The following FAM83F variants were observed in gnomAD, a reference collection of about 807,000 sequenced individuals.
FAM83F encodes protein FAM83F.
In FAM83F, 45 loss-of-function variants were observed where a neutral mutation model predicts 42.9. The ratio of observed to expected loss-of-function variants is 1.05; its 90% CI spans 0.83 to 1.35. The LOEUF (loss-of-function observed/expected upper bound fraction) is 1.35, where lower values mean the gene tolerates loss of function less well. Among genes scored for constraint, FAM83F ranks in the 40% most tolerant of loss-of-function variants. The probability of loss-of-function intolerance (pLI) is 0.00; values close to 1 mark genes in which losing one functional copy is unlikely to be tolerated. For synonymous variants in FAM83F, 306 were observed against 298.3 expected, an observed-to-expected ratio of 1.03 and a Z score of -0.27; for missense variants, 617 against 695.9, an observed-to-expected ratio of 0.89 and a Z score of 1.28.
chr22:40,028,092 G>A (rs1429012010), intron 4 of FAM83F, among the ~76,000 whole-genome samples: 3 of 152,380 alleles, frequency 2.0e-5, no homozygotes, highest in East Asian at 3.9e-4. Context: ...CGCCCCAGAC[G>A]TGCTCGGCAC....
In FAM83F at chr22:40,040,746, C is replaced by A. The variant is rs988689505; in HGVS notation, c.*11181C>A. On this transcript the variant is annotated 3_prime_UTR_variant, in exon 5 of 5. Transcript: ENST00000333407. ...TTTGGCAATGGCTACACCCACTGCC[C>A]AAGCAAGCAGTATCAGCTGTCAGCT... The A allele has an allele frequency of 6.6e-6, 1 of 152,218 alleles. No homozygotes were observed. The highest frequency in any genetic ancestry group is 2.4e-5 in the African/African-American group (1 of 41,454). 9.4% of individuals were successfully genotyped at this position (152,218 alleles called of 1,614,324 possible).
chr22:40,019,932 A>G lies in FAM83F; in HGVS notation c.703A>G (p.Met235Val). 1 of 1,613,608 alleles carries G rather than the reference A, an allele frequency of 6.2e-7. No homozygotes were observed. Among genetic ancestry groups the G allele is most frequent in the Non-Finnish European group, 8.5e-7 (1 of 1,179,742 alleles). The change falls in exon 3 of 5, where the codon ATG becomes GTG. Residue 235 changes from methionine to valine, a missense_variant. Physicochemically the swap from Met to Val is conservative, Grantham distance 21. Transcript: ENST00000333407. Reference protein sequence around the residue: ...SVTGVGFYMPMGRIKGTLSSR... With the variant: ...SVTGVGFYMPVGRIKGTLSSR... Reference sequence around the variant, plus strand: ...GACAGGCGTCGGCTTCTACATGCCCATGGGGAGGATCAAGGGGACCCTGTC... The same window carrying G: ...GACAGGCGTCGGCTTCTACATGCCCGTGGGGAGGATCAAGGGGACCCTGTC...
At chr22:39,997,669 T>C (rs974803408) in intron 1 of FAM83F, among the ~76,000 whole-genome samples, 43 of 152,174 alleles carry the variant, frequency 2.8e-4, no homozygotes, top group African/African-American at 1.0e-3. Flanking sequence ...ACTGTTTCAG[T>C]AAGAGAGCTT....
intron 1 of FAM83F, among the ~76,000 whole-genome samples, chr22:39,997,149 A>G (rs2067376517): frequency 6.6e-6 from 1 of 152,220 alleles, no homozygotes; most frequent in African/African-American, 2.4e-5. Context: ...CTGAGCCAGG[A>G]CCCAAACTCC....
rs566879970 is a variant in FAM83F, at chr22:40,014,870, G to C, written c.490-4298G>C. Among the ~76,000 whole-genome samples the C allele has an allele frequency of 4.7e-3, 713 of 152,306 alleles. 12 individuals are homozygous for C. The highest frequency in any genetic ancestry group is 0.016 in the African/African-American group (678 of 41,560). ...TGGCAGCTTTATAACCTTGGACATA[G>C]GACTTTGCCCCCTATGTGTTTACTT... On this transcript the variant is annotated intron_variant, in intron 1 of 4. Transcript: ENST00000333407.
At chr22:39,998,363 T>G (rs1031132124) in intron 1 of FAM83F, among the ~76,000 whole-genome samples, 4 of 152,188 alleles carry the variant, frequency 2.6e-5, no homozygotes, top group Non-Finnish European at 4.4e-5. Flanking sequence ...TGAGGTGTTA[T>G]CATTTTGATT....
rs1340152999 is a variant in FAM83F, at chr22:40,038,421, A to G, written c.*8856A>G. 6.6e-6 allele frequency: 1 copy of G among 152,260 alleles called. No individual in the cohort carries two copies. The highest frequency in any genetic ancestry group is 2.4e-5 in the African/African-American group (1 of 41,460). The allele number at this position is 152,260 out of a possible 1,614,324, so 9.4% of individuals were successfully genotyped here. A position where few individuals can be genotyped will look rare whatever the true frequency, so the allele number is the denominator to read the frequency against. ...GTGAAGACTCAGATAACTCAAATAT[A>G]GGTTTTGCCCGCAAAGCCTTCCTGT... On this transcript the variant is annotated 3_prime_UTR_variant, in exon 5 of 5. Coordinates refer to ENST00000333407, the MANE Select transcript of FAM83F (RefSeq NM_138435.4).
intron 4 of FAM83F, among the ~76,000 whole-genome samples, chr22:40,025,829 T>C (rs2067548907): frequency 6.6e-6 from 1 of 152,144 alleles, no homozygotes; most frequent in Non-Finnish European, 1.5e-5. Flanking sequence ...AGCTCCCCAG[T>C]GCAGAGGGTC....
At position 40,029,719 on chromosome 22, in the gene FAM83F, C is replaced by T. The variant is rs915382069; in HGVS notation, c.*154C>T. 2.7e-6 allele frequency: 3 copies of T among 1,132,042 alleles called. No individual in the cohort carries two copies. The highest frequency in any genetic ancestry group is 1.6e-5 in the African/African-American group (1 of 64,076). The allele number at this position is 1,132,042 out of a possible 1,614,324, so 70.1% of individuals were successfully genotyped here. A position where few individuals can be genotyped will look rare whatever the true frequency, so the allele number is the denominator to read the frequency against. On this transcript the variant is annotated 3_prime_UTR_variant, in exon 5 of 5. Transcript: ENST00000333407. ...CGTCCTGGCCTCAGGGACGCTGGATCCCAAATGAGAGGGTCCGAAGCATCT... is the reference window on the plus strand; with the variant it reads ...CGTCCTGGCCTCAGGGACGCTGGATTCCAAATGAGAGGGTCCGAAGCATCT...
chr22:40,003,982 G>T (rs903451346), intron 1 of FAM83F, among the ~76,000 whole-genome samples: 25 of 152,074 alleles, frequency 1.6e-4, no homozygotes, highest in African/African-American at 6.0e-4. Context: ...CCTTTCAGTG[G>T]GCCATTGAGG....
At position 40,032,778 on chromosome 22, in the gene FAM83F, C is replaced by G. The variant is rs1056960044; in HGVS notation, c.*3213C>G. On this transcript the variant is annotated 3_prime_UTR_variant, in exon 5 of 5. Transcript: ENST00000333407. ...TAGAGACAGGGTTTCACCATGTTAGCCAGGTTGGTCTTGATCTCCTGACCT... is the reference window on the plus strand; with the variant it reads ...TAGAGACAGGGTTTCACCATGTTAGGCAGGTTGGTCTTGATCTCCTGACCT... 1.3e-5 allele frequency: 2 copies of G among 151,944 alleles called. No homozygotes were observed. The highest frequency in any genetic ancestry group is 1.3e-4 in the Admixed American group (2 of 15,254). The allele number at this position is 151,944 out of a possible 1,614,324, so 9.4% of individuals were successfully genotyped here. A position where few individuals can be genotyped will look rare whatever the true frequency, so the allele number is the denominator to read the frequency against.
At position 40,038,763 on chromosome 22, in the gene FAM83F, ACT is replaced by A. The variant is rs568490073; in HGVS notation, c.*9203_*9204del. The A allele has an allele frequency of 2.6e-3, 405 of 155,470 alleles. 2 individuals are homozygous for A. Among genetic ancestry groups the A allele is most frequent in the African/African-American group, 8.9e-3 (371 of 41,806 alleles). 9.6% of individuals were successfully genotyped at this position (155,470 alleles called of 1,614,324 possible). A position where few individuals can be genotyped will look rare whatever the true frequency, so the allele number is the denominator to read the frequency against. On this transcript the variant is annotated 3_prime_UTR_variant, in exon 5 of 5. Transcript: ENST00000333407. ...TAGGCAGCAGAAACCACATGGACAAACTCTCTGCCGGAGAATGGGCATGGCCG... is the reference window on the plus strand; with the variant it reads ...TAGGCAGCAGAAACCACATGGACAAACTCTGCCGGAGAATGGGCATGGCCG...
rs1288881149 is a variant in FAM83F at position 40,023,160 on chromosome 22, C to G, written c.1453+1197C>G. Among the ~76,000 whole-genome samples, 2 of 152,228 alleles carry G rather than the reference C, an allele frequency of 1.3e-5. No individual in the cohort carries two copies. The highest frequency in any genetic ancestry group is 2.9e-5 in the Non-Finnish European group (2 of 68,040). Reference sequence around the variant, plus strand: ...AGGCACTCTCTCTCCCCTTCTGCCCCCACAACCACCCTTCAAGCACAGAGG... The same window carrying G: ...AGGCACTCTCTCTCCCCTTCTGCCCGCACAACCACCCTTCAAGCACAGAGG... On this transcript the variant is annotated intron_variant, in intron 4 of 4. Coordinates refer to ENST00000333407, the MANE Select transcript of FAM83F (RefSeq NM_138435.4). The surrounding 1 kb of genome is among the most constrained non-coding windows in gnomAD (Gnocchi z 4.1).
rs1640715932 is a variant in FAM83F, at chr22:40,023,222, A to C, written c.1453+1259A>C. On this transcript the variant is annotated intron_variant, in intron 4 of 4. Transcript: ENST00000333407. This position sits in a 1 kb window ranked among gnomAD's most constrained non-coding sequence, Gnocchi z 4.1. ...TCGGAGAGGTGAATGAAGTGGTCCC[A>C]GGTCACAGGAAGTGGTAGTAAGGCC... 1.3e-5 allele frequency among the ~76,000 whole-genome samples: 2 copies of C among 152,304 alleles called. No individual in the cohort carries two copies. The highest frequency in any genetic ancestry group is 4.1e-4 in the South Asian group (2 of 4,832).
chr22:40,001,833 A>G lies in FAM83F; in HGVS notation c.489+6302A>G, dbSNP rs542355797. ...GGAAGGGTGGCCAAATTTTCTCCCC[A>G]GAAGTTAGGGAGCCCCACCCAGGAG... On this transcript the variant is annotated intron_variant, in intron 1 of 4. Coordinates refer to ENST00000333407, the MANE Select transcript of FAM83F (RefSeq NM_138435.4). Among the ~76,000 whole-genome samples the G allele has an allele frequency of 2.0e-5, 3 of 152,276 alleles. No homozygotes were observed. In the East Asian group the frequency reaches 5.8e-4, roughly 29 times the overall value.
chr22:40,012,919 A>T (rs1393390689), intron 1 of FAM83F, among the ~76,000 whole-genome samples: 1 of 141,570 alleles, frequency 7.1e-6, no homozygotes, highest in Non-Finnish European at 1.6e-5. Flanking sequence ...TAAAAATACA[A>T]AAAAAAAAAA....
chr22:40,017,308 A>G (rs1034951047), intron 1 of FAM83F, among the ~76,000 whole-genome samples: 5 of 145,676 alleles, frequency 3.4e-5, no homozygotes, highest in Non-Finnish European at 7.4e-5. Context: ...GGCTCACTGC[A>G]ACCCCTGCCT....
chr22:40,041,246 T>G lies in FAM83F; in HGVS notation c.*11681T>G, dbSNP rs1353058347. On this transcript the variant is annotated 3_prime_UTR_variant, in exon 5 of 5. Transcript: ENST00000333407. Reference sequence around the variant, plus strand: ...ATAGTGCACTTGGCCTGCATACAAGTGTGCAGGGCTTAACGAGTCTTTTTA... The same window carrying G: ...ATAGTGCACTTGGCCTGCATACAAGGGTGCAGGGCTTAACGAGTCTTTTTA... 3 of 152,140 alleles carry G rather than the reference T, an allele frequency of 2.0e-5. No individual in the cohort carries two copies. Among genetic ancestry groups the G allele is most frequent in the Non-Finnish European group, 2.9e-5 (2 of 68,022 alleles). The allele number at this position is 152,140 out of a possible 1,614,324, so 9.4% of individuals were successfully genotyped here.
At chr22:40,013,611 A>G (rs566133379) in intron 1 of FAM83F, among the ~76,000 whole-genome samples, 62 of 152,306 alleles carry the variant, frequency 4.1e-4, no homozygotes, top group Admixed American at 2.5e-3. Flanking sequence ...TCTTTTTCAA[A>G]ATGGATGTAG....
Sources: allele counts gnomAD v4.1 joint callset (sites outside exome capture counted in the v4.1 genomes callset), GRCh38; gene constraint gnomAD v4.1.1; non-coding constraint Gnocchi (gnomAD v3.1); transcripts MANE v1.5; gene names NCBI Gene and HGNC (gene_info 2026-07-23, HGNC 2026-07-21).